Variants in POLR1A observed in about 807,000 individuals in gnomAD.
POLR1A encodes DNA-directed RNA polymerase I subunit RPA1.
In POLR1A, 84 loss-of-function variants were observed where a neutral mutation model predicts 205.3. That is an observed-to-expected ratio of 0.41 (90% CI 0.34 to 0.49). POLR1A has a LOEUF of 0.49. Ranked by LOEUF, POLR1A falls within the 20% of genes least tolerant of loss-of-function variation. The probability of loss-of-function intolerance (pLI) is 0.22; values close to 1 mark genes in which losing one functional copy is unlikely to be tolerated. For missense variants in POLR1A, 1,645 were observed against 2,204.5 expected (o/e 0.75, Z 5.08); for synonymous variants, 799 against 863.7 (o/e 0.93, Z 1.31).
At chr2:86,067,337 A>G (rs1281977389) in intron 13 of POLR1A, among the ~76,000 whole-genome samples, 2 of 152,328 alleles carry the variant, frequency 1.3e-5, no homozygotes, top group East Asian at 1.9e-4. Flanking sequence ...GTATCCCTGT[A>G]ACTTGAATTT....
chr2:86,074,076 T>TA lies in POLR1A; in HGVS notation c.1611+953_1611+954insT, dbSNP rs569737912. 1.2e-4 allele frequency among the ~76,000 whole-genome samples: 18 copies of TA among 152,294 alleles called. No individual in the cohort carries two copies. The South Asian group carries it at 3.5e-3, about 30-fold the overall frequency. Reference sequence around the variant, plus strand: ...AGAATACAGTAATACAGGCAGTGTATTACTGCTGCCCCTCAGGACGGCGGT... The same window carrying TA: ...AGAATACAGTAATACAGGCAGTGTATATACTGCTGCCCCTCAGGACGGCGGT... On this transcript the variant is annotated intron_variant, in intron 12 of 33. Coordinates refer to ENST00000263857, the MANE Select transcript of POLR1A (RefSeq NM_015425.6).
At chr2:86,073,655 C>T (rs1227368815) in intron 12 of POLR1A, among the ~76,000 whole-genome samples, 1 of 152,194 alleles carries the variant, frequency 6.6e-6, no homozygotes, top group Non-Finnish European at 1.5e-5. Flanking sequence ...GTCTACCACA[C>T]CCCTCCGCAA....
chr2:86,039,093 C>T (rs949170135), intron 26 of POLR1A, among the ~76,000 whole-genome samples: 2 of 152,118 alleles, frequency 1.3e-5, no homozygotes, highest in African/African-American at 4.8e-5. Context: ...AGCGGGTAGG[C>T]AAACTCAGGA....
chr2:86,064,159 C>T (rs955995120), intron 14 of POLR1A, among the ~76,000 whole-genome samples: 5 of 151,948 alleles, frequency 3.3e-5, no homozygotes, highest in African/African-American at 2.4e-5. Flanking sequence ...AAGGTTGGTA[C>T]GGGCTTTTTT....
Position 86,054,176 on chromosome 2 carries a change from A to T in POLR1A, c.2172T>A (p.Val724=). 6.2e-7 allele frequency: 1 copy of T among 1,613,978 alleles called. No homozygotes were observed. Among genetic ancestry groups the T allele is most frequent in the Non-Finnish European group, 8.5e-7 (1 of 1,179,874 alleles). The part of the protein sequence containing the change: ...KAWVKETPRS[V]PGFNPDSMCE... Reference sequence around the variant, plus strand: ...ACATCGAGTCAGGGTTAAAGCCAGGAACGGATCGAGGAGTTTCCTTCACCC... The same window carrying T: ...ACATCGAGTCAGGGTTAAAGCCAGGTACGGATCGAGGAGTTTCCTTCACCC... The change falls in exon 15 of 34, where the codon GTT becomes GTA. Residue 724 remains valine, a synonymous_variant. Transcript: ENST00000263857.
rs1672672509 is a variant in POLR1A, at chr2:86,044,269, T to A, written c.3005A>T (p.Gln1002Leu). ...ACTGTCACGGACCGTGAGATCATAC[T>A]GCACGACCAGCCCCTCTAGGTGCTT... ...IIKHLEGLVV[Q>L]YDLTVRDSDG... Residue 1002 changes from glutamine (Q) to leucine (L), a missense_variant, in exon 22 of 34, where the codon CAG becomes CTG. Around this residue, in one of 16 missense-constraint regions of POLR1A, gnomAD observed 17 missense variants for 25.0 expected, o/e 0.68. Coordinates refer to ENST00000263857, the MANE Select transcript of POLR1A (RefSeq NM_015425.6). 1 of 1,614,196 alleles carries A rather than the reference T, an allele frequency of 6.2e-7. No homozygotes were observed. The highest frequency in any genetic ancestry group is 1.3e-5 in the African/African-American group (1 of 75,048).
intron 14 of POLR1A, among the ~76,000 whole-genome samples, chr2:86,056,735 G>C (rs1361301632): frequency 6.6e-6 from 1 of 152,114 alleles, no homozygotes; most frequent in East Asian, 1.9e-4. Flanking sequence ...TAAGAATTAT[G>C]CTAAATCGAC....
chr2:86,102,758 G>C (rs866390219), intron 1 of POLR1A, among the ~76,000 whole-genome samples: 5 of 152,200 alleles, frequency 3.3e-5, no homozygotes, highest in Non-Finnish European at 7.3e-5. Flanking sequence ...GGGATGAAGA[G>C]TAGGGGCAAC....
rs561491526 is a variant in POLR1A at position 86,030,144 on chromosome 2, C to A, written c.4779+52G>T. 4.1e-5 allele frequency: 60 copies of A among 1,474,252 alleles called. No homozygotes were observed. The South Asian group carries it at 6.6e-4, about 16-fold the overall frequency. 91.3% of individuals were successfully genotyped at this position (1,474,252 alleles called of 1,614,324 possible). A position where few individuals can be genotyped will look rare whatever the true frequency, so the allele number is the denominator to read the frequency against. ...TCCCAGTGGCTGGGTCTTGAGACAACGTGGGGTGAGGACTAATGCTTTGTC... is the reference window on the plus strand; with the variant it reads ...TCCCAGTGGCTGGGTCTTGAGACAAAGTGGGGTGAGGACTAATGCTTTGTC... On this transcript the variant is annotated intron_variant, in intron 31 of 33. Coordinates refer to ENST00000263857, the MANE Select transcript of POLR1A (RefSeq NM_015425.6).
At chr2:86,027,840 A>T (rs1361159441) in intron 33 of POLR1A, 45 bp downstream of exon 33, 3 of 1,604,074 alleles carry the variant, frequency 1.9e-6, no homozygotes, top group Admixed American at 1.7e-5. Context: ...GTGTGCCCAG[A>T]GTCGTCAGTA....
At position 86,022,124 on chromosome 2, in the gene POLR1A, AAAC is replaced by A. The variant is rs1335391625; in HGVS notation, c.*5296_*5298del. On this transcript the variant is annotated 3_prime_UTR_variant, in exon 34 of 34. Transcript: ENST00000263857. ...AACCTCTCATGGAGCTGCTTGTAGG[AAAC>A]GCTGGCTGGCTGAGTTCCCTCCTTC... 4 of 152,290 alleles carry A rather than the reference AAAC, an allele frequency of 2.6e-5. No homozygotes were observed. The highest frequency in any genetic ancestry group is 5.9e-5 in the Non-Finnish European group (4 of 68,078). 9.4% of individuals were successfully genotyped at this position (152,290 alleles called of 1,614,324 possible). A position where few individuals can be genotyped will look rare whatever the true frequency, so the allele number is the denominator to read the frequency against.
chr2:86,073,531 C>T (rs1219770093), intron 12 of POLR1A, among the ~76,000 whole-genome samples: 1 of 152,220 alleles, frequency 6.6e-6, no homozygotes, highest in Admixed American at 6.5e-5. Flanking sequence ...ACAGTTGCCT[C>T]CTGATGACCC....
Position 86,025,390 on chromosome 2 carries a change from C to T in POLR1A, c.*2033G>A, listed in dbSNP as rs1453594900. 6.6e-6 allele frequency: 1 copy of T among 152,200 alleles called. No homozygotes were observed. The highest frequency in any genetic ancestry group is 1.9e-4 in the East Asian group (1 of 5,202). The allele number at this position is 152,200 out of a possible 1,614,324, so 9.4% of individuals were successfully genotyped here. A position where few individuals can be genotyped will look rare whatever the true frequency, so the allele number is the denominator to read the frequency against. ...TCAGAGGCTTCCGAGCATAGAGAAC[C>T]ACCAAAGTGAGCGTGTAATTCCCTA... On this transcript the variant is annotated 3_prime_UTR_variant, in exon 34 of 34. Coordinates refer to ENST00000263857, the MANE Select transcript of POLR1A (RefSeq NM_015425.6).
chr2:86,099,391 G>A (rs974701716), intron 2 of POLR1A, among the ~76,000 whole-genome samples: 6 of 150,214 alleles, frequency 4.0e-5, no homozygotes, highest in African/African-American at 7.4e-5. Context: ...TCTTTAACAC[G>A]ATTAACAGAC....
chr2:86,058,398 CTTTTTTT>C (rs11350157), intron 14 of POLR1A, among the ~76,000 whole-genome samples: 3 of 120,094 alleles, frequency 2.5e-5, no homozygotes, highest in Non-Finnish European at 3.4e-5. Flanking sequence ...CTCACCCAGC[CTTTTTTT>C]TTTTTTTTTT....
intron 1 of POLR1A, 22 bp from the exon 2 acceptor site, chr2:86,100,194 A>G (rs774413757): frequency 1.9e-6 from 3 of 1,585,372 alleles, no homozygotes; most frequent in South Asian, 2.2e-5. Flanking sequence ...AAAAAGACCA[A>G]GAGGAAAGCT....
chr2:86,044,110 C>G (rs573726177), intron 22 of POLR1A, 29 bp downstream of exon 22: 2 of 1,610,004 alleles, frequency 1.2e-6, no homozygotes, highest in Non-Finnish European at 8.5e-7. Context: ...TACTGCTCGG[C>G]CCCCAGGCTC....
At chr2:86,053,087 T>C (rs1392701507) in intron 15 of POLR1A, 87 bp from the exon 16 acceptor site, 4 of 994,280 alleles carry the variant, frequency 4.0e-6, no homozygotes, top group Admixed American at 3.4e-5. Flanking sequence ...GTGACCCTCG[T>C]TGTGCAAGTC....
chr2:86,058,953 C>CAATAATAAT (rs200645599), intron 14 of POLR1A, among the ~76,000 whole-genome samples: 1 of 151,042 alleles, frequency 6.6e-6, no homozygotes, highest in African/African-American at 2.4e-5. Context: ...ACCAGCTCTA[C>CAATAATAAT]AATAATAATA....
Sources: gnomAD v4.1 joint callset for allele counts (sites outside exome capture counted in the v4.1 genomes callset) on GRCh38, gnomAD v4.1.1 for gene constraint, gnomAD v4.1.1 regional missense constraint, MANE v1.5 for transcripts, NCBI Gene and HGNC (gene_info 2026-07-23, HGNC 2026-07-21) for gene names.